The following EYS variants were observed in gnomAD, a reference collection of about 807,000 sequenced individuals.
The protein encoded by EYS is EGF-like photoreceptor maintenance factor.
A neutral mutation model predicts 282.1 loss-of-function variants in EYS; 250 were observed. The observed-to-expected ratio is 0.89, with a 90% CI of 0.80 to 0.98. EYS has a LOEUF of 0.98. Ranked by LOEUF, EYS falls within the 50% of genes least tolerant of loss-of-function variation. EYS has a pLI of 0.00. For synonymous variants in EYS, 1,355 were observed against 1,282.9 expected, an observed-to-expected ratio of 1.06 and a Z score of -1.20; for missense variants, 4,016 against 3,709.0, an observed-to-expected ratio of 1.08 and a Z score of -2.15.
intron 11 of EYS, among the ~76,000 whole-genome samples, chr6:65,325,204 C>G (rs774216788): frequency 2.0e-5 from 3 of 152,140 alleles, no homozygotes; most frequent in Non-Finnish European, 4.4e-5. Context: ...TCCCTCTTCT[C>G]CCCTCCTCCT....
At chr6:64,546,358 T>C (rs1293144971) in intron 26 of EYS, among the ~76,000 whole-genome samples, 1 of 152,170 alleles carries the variant, frequency 6.6e-6, no homozygotes, top group Non-Finnish European at 1.5e-5. Flanking sequence ...TTACACCTTA[T>C]ACAAAAATTA....
At chr6:64,272,019 C>G (rs1481935623) in intron 30 of EYS, among the ~76,000 whole-genome samples, 1 of 151,956 alleles carries the variant, frequency 6.6e-6, no homozygotes, top group Non-Finnish European at 1.5e-5. Flanking sequence ...GGCCCTCACA[C>G]CTGGCCTATA....
intron 22 of EYS, among the ~76,000 whole-genome samples, chr6:64,755,805 C>T (rs956246961): frequency 2.0e-5 from 3 of 152,118 alleles, no homozygotes; most frequent in Non-Finnish European, 4.4e-5. Flanking sequence ...ATACACTATT[C>T]AGATGATTAT....
intron 1 of EYS, among the ~76,000 whole-genome samples, chr6:65,701,944 C>A (rs930859814): frequency 3.9e-5 from 6 of 152,246 alleles, no homozygotes; most frequent in African/African-American, 1.4e-4. Flanking sequence ...AGTGCAAACC[C>A]ACAAAGGTAG....
intron 22 of EYS, among the ~76,000 whole-genome samples, chr6:64,632,236 T>G (rs1767807170): frequency 6.6e-6 from 1 of 152,046 alleles, no homozygotes; most frequent in South Asian, 2.1e-4. Context: ...ACCACAGTTC[T>G]TTTCCGTGAT....
chr6:64,503,910 A>G (rs1326043460), intron 26 of EYS, among the ~76,000 whole-genome samples: 1 of 152,062 alleles, frequency 6.6e-6, no homozygotes, highest in East Asian at 1.9e-4. Context: ...GATGGTTTAA[A>G]AGTGTGTGGC....
At chr6:63,943,241 T>A (rs539489183) in intron 35 of EYS, among the ~76,000 whole-genome samples, 14 of 152,342 alleles carry the variant, frequency 9.2e-5, no homozygotes, top group African/African-American at 3.1e-4. Flanking sequence ...GACAAGACTC[T>A]CCAAATAAAA....
chr6:64,919,458 G>A (rs1343817066), intron 15 of EYS, among the ~76,000 whole-genome samples: 2 of 132,564 alleles, frequency 1.5e-5, no homozygotes, highest in African/African-American at 5.6e-5. Flanking sequence ...TATGGAGTAT[G>A]TATTCTAAAT....
chr6:64,756,037 T>C (rs956109215), intron 22 of EYS, among the ~76,000 whole-genome samples: 1 of 152,160 alleles, frequency 6.6e-6, no homozygotes, highest in South Asian at 2.1e-4. Flanking sequence ...AATTCTTCTC[T>C]AGCAAATCAT....
chr6:65,576,783 A>G (rs977986778), intron 2 of EYS, among the ~76,000 whole-genome samples: 2 of 151,868 alleles, frequency 1.3e-5, no homozygotes, highest in Non-Finnish European at 2.9e-5. Context: ...CACTAACAAC[A>G]AACTATTTTT....
chr6:65,577,733 A>G (rs1004974896), intron 2 of EYS, among the ~76,000 whole-genome samples: 37 of 137,290 alleles, frequency 2.7e-4, no homozygotes, highest in Non-Finnish European at 5.2e-4. Flanking sequence ...AATATTAATA[A>G]TAATAAAAGC....
At chr6:64,670,201 G>A (rs1031994888) in intron 22 of EYS, among the ~76,000 whole-genome samples, 4 of 151,910 alleles carry the variant, frequency 2.6e-5, no homozygotes, top group Non-Finnish European at 4.4e-5. Flanking sequence ...TTTCCTTAGG[G>A]TAAAGCCAAT....
intron 11 of EYS, among the ~76,000 whole-genome samples, chr6:65,305,795 T>A (rs1314345943): frequency 6.6e-6 from 1 of 152,214 alleles, no homozygotes; most frequent in Non-Finnish European, 1.5e-5. Flanking sequence ...AAAATATGGT[T>A]AATTTTTTAT....
intron 28 of EYS, among the ~76,000 whole-genome samples, chr6:64,413,950 C>T (rs1032419797): frequency 6.6e-6 from 1 of 152,146 alleles, no homozygotes; most frequent in Non-Finnish European, 1.5e-5. Flanking sequence ...ACCTTCTCCA[C>T]CACATAAGGA....
chr6:65,062,894 T>G (rs1447582821), intron 12 of EYS, among the ~76,000 whole-genome samples: 2 of 152,060 alleles, frequency 1.3e-5, no homozygotes, highest in African/African-American at 4.8e-5. Context: ...TATATGGGTA[T>G]GAGTTTGTGT....
intron 12 of EYS, among the ~76,000 whole-genome samples, chr6:65,123,277 A>G (rs983338039): frequency 6.6e-6 from 1 of 152,204 alleles, no homozygotes; most frequent in East Asian, 1.9e-4. Context: ...CAAAAGAGGA[A>G]GAATGAAAGC....
chr6:65,429,519 C>A (rs778547512), intron 5 of EYS, among the ~76,000 whole-genome samples: 77 of 152,132 alleles, frequency 5.1e-4, no homozygotes, highest in Non-Finnish European at 1.0e-3. Context: ...CTGAGCCCTA[C>A]CATAGTGGCT....
chr6:64,727,536 A>G (rs1771798055), intron 22 of EYS, among the ~76,000 whole-genome samples: 1 of 152,200 alleles, frequency 6.6e-6, no homozygotes, highest in Non-Finnish European at 1.5e-5. Flanking sequence ...TTTTCTCTTT[A>G]AATGTGTTAC....
intron 26 of EYS, among the ~76,000 whole-genome samples, chr6:64,525,980 C>T (rs770963957): frequency 2.8e-4 from 42 of 151,706 alleles, no homozygotes; most frequent in Non-Finnish European, 4.6e-4. Flanking sequence ...CCTCTAATAT[C>T]ATCTGTAGAC....
Sources: gnomAD v4.1 joint callset for allele counts (sites outside exome capture counted in the v4.1 genomes callset) on GRCh38, gnomAD v4.1.1 for gene constraint, MANE v1.5 for transcripts, NCBI Gene and HGNC (gene_info 2026-07-23, HGNC 2026-07-21) for gene names.